PPFIA2: variants seen among roughly 807,000 people sequenced by gnomAD.
PPFIA2 encodes the protein liprin-alpha-2.
Under a neutral mutation model 175.5 loss-of-function variants are expected in PPFIA2, and 46 were observed. That is an observed-to-expected ratio of 0.26 (90% CI 0.21 to 0.34). The LOEUF (loss-of-function observed/expected upper bound fraction) is 0.34, where lower values mean the gene tolerates loss of function less well. PPFIA2 is among the 10% of genes least tolerant of loss of function. The pLI is 1.00. For synonymous variants in PPFIA2, 568 were observed against 511.4 expected (o/e 1.11, Z -1.49); for missense variants, 1,179 against 1,506.1 (o/e 0.78, Z 3.60).
chr12:81,313,109 C>G (rs561118382), intron 22 of PPFIA2, among the ~76,000 whole-genome samples: 68 of 152,140 alleles, frequency 4.5e-4, no homozygotes, highest in African/African-American at 1.6e-3. Context: ...ACACATATAG[C>G]TTTTGAAGAA....
chr12:81,413,837 T>A (rs1366794929), intron 7 of PPFIA2, among the ~76,000 whole-genome samples: 1 of 150,932 alleles, frequency 6.6e-6, no homozygotes, highest in Non-Finnish European at 1.5e-5. Flanking sequence ...GGAAAAGCAA[T>A]GTAAATTGAT....
At chr12:81,588,295 G>A (rs2075567761) in intron 4 of PPFIA2, among the ~76,000 whole-genome samples, 2 of 151,906 alleles carry the variant, frequency 1.3e-5, no homozygotes, top group Non-Finnish European at 2.9e-5. Flanking sequence ...TCAAGGAGGG[G>A]TGATAAGGAA....
intron 4 of PPFIA2, among the ~76,000 whole-genome samples, chr12:81,582,872 G>T (rs1222118862): frequency 1.3e-5 from 2 of 151,724 alleles, no homozygotes; most frequent in African/African-American, 4.8e-5. Flanking sequence ...CTGTAACATG[G>T]TACTATAATA....
intron 4 of PPFIA2, among the ~76,000 whole-genome samples, chr12:81,497,530 C>CTTTTTTTTTTTT (rs34030284): frequency 2.4e-4 from 16 of 66,202 alleles, no homozygotes; most frequent in African/African-American, 8.8e-4. Flanking sequence ...TCATTGATGT[C>CTTTTTTTTTTTT]TTTTTTTTTT....
At chr12:81,313,934 T>C (rs1173247552) in intron 22 of PPFIA2, among the ~76,000 whole-genome samples, 1 of 151,884 alleles carries the variant, frequency 6.6e-6, no homozygotes, top group East Asian at 1.9e-4. Flanking sequence ...AAATATAAGA[T>C]AAAATATGAA....
intron 3 of PPFIA2, among the ~76,000 whole-genome samples, chr12:81,682,004 A>G (rs1376372446): frequency 3.3e-5 from 5 of 152,068 alleles, no homozygotes; most frequent in Non-Finnish European, 7.4e-5. Context: ...ATGTAATATG[A>G]AAATACTTAA....
intron 18 of PPFIA2, among the ~76,000 whole-genome samples, chr12:81,345,865 T>C (rs1198627378): frequency 6.6e-6 from 1 of 152,208 alleles, no homozygotes; most frequent in Non-Finnish European, 1.5e-5. Flanking sequence ...TAGTTCCGTA[T>C]GTTTGGTTAG....
At chr12:81,403,439 A>G (rs2042393581) in intron 8 of PPFIA2, among the ~76,000 whole-genome samples, 1 of 152,192 alleles carries the variant, frequency 6.6e-6, no homozygotes. Context: ...ATATTCAAAT[A>G]TTTAGTGGTT....
intron 23 of PPFIA2, among the ~76,000 whole-genome samples, chr12:81,296,025 G>A (rs71466013): frequency 0.34 from 51,538 of 149,678 alleles, 9,321 homozygotes; most frequent in East Asian, 0.64. Flanking sequence ...AAAAAATGAG[G>A]CCAGGCGCGG....
intron 5 of PPFIA2, among the ~76,000 whole-genome samples, chr12:81,451,786 T>G (rs544194040): frequency 2.6e-5 from 4 of 152,270 alleles, no homozygotes; most frequent in African/African-American, 9.6e-5. Flanking sequence ...TTGAAGAATA[T>G]GGACAAAAAT....
chr12:81,670,447 A>G (rs960990613), intron 4 of PPFIA2, among the ~76,000 whole-genome samples: 2 of 151,874 alleles, frequency 1.3e-5, no homozygotes, highest in African/African-American at 2.4e-5. Context: ...TATGACCACA[A>G]TCTGGAATTT....
At chr12:81,516,235 A>G (rs1047772922) in intron 4 of PPFIA2, among the ~76,000 whole-genome samples, 3 of 152,092 alleles carry the variant, frequency 2.0e-5, no homozygotes, top group African/African-American at 7.2e-5. Flanking sequence ...GATTCTACTT[A>G]TTTGTAAGAG....
intron 3 of PPFIA2, among the ~76,000 whole-genome samples, chr12:81,735,959 T>A (rs66537404): frequency 0.16 from 23,802 of 151,882 alleles, 1,945 homozygotes; most frequent in Middle Eastern, 0.24. Flanking sequence ...AACTAACCTG[T>A]TTACTGTCCT....
chr12:81,758,931 A>G (rs551407039), intron 1 of PPFIA2, among the ~76,000 whole-genome samples: 40 of 152,012 alleles, frequency 2.6e-4, no homozygotes, highest in African/African-American at 9.2e-4. Flanking sequence ...AAGGCGTGAG[A>G]AGTATCTGGG....
intron 4 of PPFIA2, among the ~76,000 whole-genome samples, chr12:81,507,197 G>A (rs553042968): frequency 6.6e-6 from 1 of 152,118 alleles, no homozygotes; most frequent in South Asian, 2.1e-4. Context: ...GCTATCATTG[G>A]TTCATATTGA....
At chr12:81,560,632 T>A (rs1486818532) in intron 4 of PPFIA2, among the ~76,000 whole-genome samples, 1 of 152,166 alleles carries the variant, frequency 6.6e-6, no homozygotes, top group Non-Finnish European at 1.5e-5. Flanking sequence ...GTCTAAATAT[T>A]TTAACTGAGC....
At chr12:81,694,344 G>C (rs1352279805) in intron 3 of PPFIA2, among the ~76,000 whole-genome samples, 1 of 152,076 alleles carries the variant, frequency 6.6e-6, no homozygotes, top group East Asian at 1.9e-4. Flanking sequence ...GCCAGACCTG[G>C]GGCCACCACT....
At chr12:81,511,822 T>C (rs1356367699) in intron 4 of PPFIA2, among the ~76,000 whole-genome samples, 1 of 151,926 alleles carries the variant, frequency 6.6e-6, no homozygotes, top group Non-Finnish European at 1.5e-5. Flanking sequence ...TCTAACTGAA[T>C]AGACCAAACA....
At chr12:81,740,189 T>C (rs2082157428) in intron 3 of PPFIA2, among the ~76,000 whole-genome samples, 1 of 152,152 alleles carries the variant, frequency 6.6e-6, no homozygotes, top group Admixed American at 6.6e-5. Flanking sequence ...TAATCATATT[T>C]GAGAGAAAAT....
Sources: allele counts gnomAD v4.1 joint callset (sites outside exome capture counted in the v4.1 genomes callset), GRCh38; gene constraint gnomAD v4.1.1; transcripts MANE v1.5; gene names NCBI Gene and HGNC (gene_info 2026-07-23, HGNC 2026-07-21).